Variants in CTIF observed in about 807,000 individuals in gnomAD.
CTIF encodes the protein cap binding complex dependent translation initiation factor.
Under a neutral mutation model 66.0 loss-of-function variants are expected in CTIF, and 21 were observed. The ratio of observed to expected loss-of-function variants is 0.32; its 90% CI spans 0.23 to 0.46. The LOEUF is 0.46. Ranked by LOEUF, CTIF falls within the 20% of genes least tolerant of loss-of-function variation. The pLI is 1.00. For synonymous variants in CTIF, 345 were observed against 326.4 expected (o/e 1.06, Z -0.62); for missense variants, 739 against 812.7 (o/e 0.91, Z 1.10).
intron 7 of CTIF, among the ~76,000 whole-genome samples, chr18:48,726,951 T>C (rs2092391844): frequency 6.6e-6 from 1 of 152,082 alleles, no homozygotes; most frequent in Non-Finnish European, 1.5e-5. Context: ...CAAAGTCTCA[T>C]CATCTAGATC....
chr18:48,616,757 T>C (rs1332296080), intron 1 of CTIF, among the ~76,000 whole-genome samples: 1 of 152,184 alleles, frequency 6.6e-6, no homozygotes, highest in Non-Finnish European at 1.5e-5. Context: ...TAGCCAACCC[T>C]GGGTGAATCT....
rs140183689 is a variant in CTIF at position 48,786,064 on chromosome 18, A to G, written c.1371+24375A>G. ...GTTCTCCCTCATCCCAAAGCCCATC[A>G]TTCTTCCTCCTTTGCAGGGCTGGAT... On this transcript the variant is annotated intron_variant, in intron 9 of 11. Coordinates refer to ENST00000256413, the MANE Select transcript of CTIF (RefSeq NM_014772.3). Among the ~76,000 whole-genome samples the G allele has an allele frequency of 2.0e-3, 300 of 152,192 alleles. 2 individuals carry two copies. The highest frequency in any genetic ancestry group is 7.0e-3 in the African/African-American group (290 of 41,506).
intron 7 of CTIF, among the ~76,000 whole-genome samples, chr18:48,736,777 C>T (rs1454631963): frequency 6.6e-6 from 1 of 152,154 alleles, no homozygotes; most frequent in Non-Finnish European, 1.5e-5. Flanking sequence ...CTGACATTGG[C>T]CCGGCCTCAG....
intron 9 of CTIF, among the ~76,000 whole-genome samples, chr18:48,798,388 T>C (rs767421138): frequency 1.3e-5 from 2 of 152,212 alleles, no homozygotes; most frequent in African/African-American, 2.4e-5. Context: ...GGTTTGGGGT[T>C]CATCACACAT....
chr18:48,647,016 C>T (rs889056898), intron 3 of CTIF, among the ~76,000 whole-genome samples: 2 of 148,942 alleles, frequency 1.3e-5, no homozygotes, highest in Non-Finnish European at 3.0e-5. Flanking sequence ...CACACAAAAA[C>T]TTGTACTCAA....
intron 9 of CTIF, among the ~76,000 whole-genome samples, chr18:48,763,103 G>C (rs923901935): frequency 6.6e-6 from 1 of 152,234 alleles, no homozygotes; most frequent in Non-Finnish European, 1.5e-5. Context: ...GGAGAGTGGC[G>C]GGCAGAGAAG....
At chr18:48,643,085 G>A (rs1486032092) in intron 3 of CTIF, among the ~76,000 whole-genome samples, 1 of 152,182 alleles carries the variant, frequency 6.6e-6, no homozygotes, top group East Asian at 1.9e-4. Context: ...GCTTCCCGGA[G>A]GCTGGGGCTG....
intron 5 of CTIF, among the ~76,000 whole-genome samples, chr18:48,666,206 T>C (rs1038498851): frequency 2.6e-5 from 4 of 152,190 alleles, no homozygotes; most frequent in Admixed American, 6.5e-5. Flanking sequence ...CTGCTCACTC[T>C]TGTCTCCCTT....
chr18:48,595,570 G>A (rs1184903539), intron 1 of CTIF, among the ~76,000 whole-genome samples: 6 of 152,154 alleles, frequency 3.9e-5, no homozygotes, highest in South Asian at 4.2e-4. Flanking sequence ...GGGACCAGCG[G>A]TGCACACCAC....
intron 1 of CTIF, among the ~76,000 whole-genome samples, chr18:48,580,370 C>G (rs1238909286): frequency 6.6e-6 from 1 of 152,150 alleles, no homozygotes; most frequent in Non-Finnish European, 1.5e-5. Flanking sequence ...TCCTCCGTTC[C>G]AAGATATCTC....
chr18:48,781,336 T>C (rs1326350465), intron 9 of CTIF, among the ~76,000 whole-genome samples: 1 of 151,996 alleles, frequency 6.6e-6, no homozygotes, highest in Non-Finnish European at 1.5e-5. Context: ...GAGGCGACTG[T>C]CTGATTAGCA....
chr18:48,852,081 T>A (rs74561403), intron 10 of CTIF, among the ~76,000 whole-genome samples: 17,179 of 150,686 alleles, frequency 0.11, 1,227 homozygotes, highest in Non-Finnish European at 0.16. Context: ...AAAAATTTTT[T>A]AAAAATTAGC....
rs1204402426 is a variant in CTIF, at chr18:48,569,042, T to C, written c.-29+29730T>C. Among the ~76,000 whole-genome samples, 5 of 152,158 alleles carry C rather than the reference T, an allele frequency of 3.3e-5. No individual in the cohort carries two copies. In the East Asian group the frequency reaches 9.6e-4, roughly 29 times the overall value. The stretch of plus-strand genomic sequence containing the variant: ...CTTCTTGCAGTGCCCTCATGTGATT[T>C]TTCCTCTGGCTCTGTCTGTGTCCCA... On this transcript the variant is annotated intron_variant, in intron 1 of 11. Transcript: ENST00000256413.
rs144083624 is a variant in CTIF at position 48,575,727 on chromosome 18, G to T, written c.-29+36415G>T. On this transcript the variant is annotated intron_variant, in intron 1 of 11. Transcript: ENST00000256413. ...GGCCGTCCTAAAGCCTCCCTGCCCCGGATGCCTTTTGATGAAGGCTGCTTT... is the reference window on the plus strand; with the variant it reads ...GGCCGTCCTAAAGCCTCCCTGCCCCTGATGCCTTTTGATGAAGGCTGCTTT... Among the ~76,000 whole-genome samples the T allele has an allele frequency of 1.5e-4, 23 of 152,304 alleles. No individual in the cohort carries two copies. In the East Asian group the frequency reaches 4.1e-3, roughly 27 times the overall value.
At chr18:48,829,881 A>G (rs1374950348) in intron 10 of CTIF, among the ~76,000 whole-genome samples, 8 of 152,202 alleles carry the variant, frequency 5.3e-5, no homozygotes, top group Non-Finnish European at 8.8e-5. Flanking sequence ...TCAGATGTGA[A>G]TGATGTTTAG....
intron 6 of CTIF, among the ~76,000 whole-genome samples, chr18:48,684,368 CT>C (rs2091800816): frequency 1.3e-5 from 2 of 152,164 alleles, no homozygotes; most frequent in African/African-American, 4.8e-5. Flanking sequence ...CGTTCCATTC[CT>C]CAAAGCAACT....
intron 7 of CTIF, among the ~76,000 whole-genome samples, chr18:48,730,406 C>CCT (rs1568171403): frequency 6.5e-5 from 7 of 107,160 alleles, no homozygotes; most frequent in African/African-American, 2.1e-4. Flanking sequence ...GAGGGGCTTC[C>CCT]ACGGTGTGTG....
At chr18:48,684,119 G>C in intron 6 of CTIF, among the ~76,000 whole-genome samples, 1 of 152,214 alleles carries the variant, frequency 6.6e-6, no homozygotes, top group East Asian at 1.9e-4. Flanking sequence ...GCTCTGATTA[G>C]ATCATTCATC....
At chr18:48,730,977 G>A (rs1019912702) in intron 7 of CTIF, among the ~76,000 whole-genome samples, 22 of 152,288 alleles carry the variant, frequency 1.4e-4, no homozygotes, top group Non-Finnish European at 5.9e-5. Context: ...AGCCCAGAGA[G>A]GCAGGCATGG....
Sources: allele counts gnomAD v4.1 joint callset (sites outside exome capture counted in the v4.1 genomes callset), GRCh38; gene constraint gnomAD v4.1.1; transcripts MANE v1.5; gene names NCBI Gene and HGNC (gene_info 2026-07-23, HGNC 2026-07-21).